TBC1D14: variants seen among roughly 807,000 people sequenced by gnomAD.
The protein encoded by TBC1D14 is TBC1 domain family, member 14.
In TBC1D14, 26 loss-of-function variants were observed where a neutral mutation model predicts 79.0. The observed-to-expected ratio is 0.33, with a 90% CI of 0.24 to 0.46. TBC1D14 has a LOEUF of 0.46. TBC1D14 is among the 20% of genes least tolerant of loss of function. The pLI is 1.00. For synonymous variants in TBC1D14, 394 were observed against 349.9 expected, an observed-to-expected ratio of 1.13 and a Z score of -1.40; for missense variants, 769 against 887.6, an observed-to-expected ratio of 0.87 and a Z score of 1.70.
At position 6,986,750 on chromosome 4, in the gene TBC1D14, C is replaced by G. The variant is rs554254760; in HGVS notation, c.844-7434C>G. On this transcript the variant is annotated intron_variant, in intron 3 of 13. Coordinates refer to ENST00000409757, the MANE Select transcript of TBC1D14 (RefSeq NM_020773.3). ...TCTCATCGACAGCGTACCGCGCCATCTGAAGGGCGCTGTCCCGCCAGCTTC... is the reference window on the plus strand; with the variant it reads ...TCTCATCGACAGCGTACCGCGCCATGTGAAGGGCGCTGTCCCGCCAGCTTC... Among the ~76,000 whole-genome samples the G allele has an allele frequency of 5.9e-5, 9 of 152,352 alleles. No individual in the cohort carries two copies. In the East Asian group the frequency reaches 1.7e-3, roughly 29 times the overall value.
chr4:6,924,992 G>T (rs936476155), intron 2 of TBC1D14, among the ~76,000 whole-genome samples: 5 of 152,130 alleles, frequency 3.3e-5, no homozygotes, highest in Admixed American at 3.3e-4. Context: ...TGGAGAGTAC[G>T]TGTAGAATTG....
intron 2 of TBC1D14, among the ~76,000 whole-genome samples, chr4:6,955,815 C>A (rs926164081): frequency 3.3e-5 from 5 of 152,156 alleles, no homozygotes; most frequent in African/African-American, 1.2e-4. Context: ...GGATTGCGTC[C>A]TGCCTCTCCA....
chr4:7,026,821 TGG>T (rs1343751700), intron 13 of TBC1D14, among the ~76,000 whole-genome samples: 7 of 152,044 alleles, frequency 4.6e-5, no homozygotes, highest in African/African-American at 1.7e-4. Context: ...CATTTGAGCC[TGG>T]GAGGTCAAGG....
intron 8 of TBC1D14, among the ~76,000 whole-genome samples, chr4:7,005,665 C>T (rs1331991747): frequency 6.6e-6 from 1 of 151,812 alleles, no homozygotes; most frequent in Non-Finnish European, 1.5e-5. Flanking sequence ...CACCACTGCA[C>T]TCCAGCCTAG....
At chr4:7,014,381 TTG>T in intron 11 of TBC1D14, 65 bp from the exon 12 acceptor site, 1 of 1,016,146 alleles carries the variant, frequency 9.8e-7, no homozygotes, top group African/African-American at 1.6e-5. Flanking sequence ...TATACATATA[TTG>T]ACTTTTTTGT....
Position 7,031,083 on chromosome 4 carries a change from G to A in TBC1D14, c.*691G>A, listed in dbSNP as rs1560378081. The A allele has an allele frequency of 1.3e-5, 2 of 152,444 alleles. No homozygotes were observed. The highest frequency in any genetic ancestry group is 2.9e-5 in the Non-Finnish European group (2 of 68,166). The allele number at this position is 152,444 out of a possible 1,614,324, so 9.4% of individuals were successfully genotyped here. ...TCTGGGAGACTGCTCCCTGGCATCG[G>A]TCCTGCGGAGGTGGAAAGTTCGAGA... On this transcript the variant is annotated 3_prime_UTR_variant, in exon 14 of 14. Transcript: ENST00000409757.
At chr4:6,943,003 T>C (rs1713055141) in intron 2 of TBC1D14, among the ~76,000 whole-genome samples, 1 of 152,194 alleles carries the variant, frequency 6.6e-6, no homozygotes, top group Non-Finnish European at 1.5e-5. Flanking sequence ...ACTTGAAATA[T>C]ACATAAAGCT....
At chr4:6,950,461 G>C (rs1047076559) in intron 2 of TBC1D14, among the ~76,000 whole-genome samples, 6 of 152,134 alleles carry the variant, frequency 3.9e-5, no homozygotes, top group African/African-American at 1.4e-4. Context: ...ATTGAAGTGG[G>C]ACTGGCAGAA....
chr4:6,926,452 A>G (rs898279072), intron 2 of TBC1D14, among the ~76,000 whole-genome samples: 3 of 152,232 alleles, frequency 2.0e-5, no homozygotes, highest in African/African-American at 2.4e-5. Flanking sequence ...CTTGGAAGTC[A>G]TACTCAGCTT....
At chr4:6,917,649 C>T (rs574498761) in intron 1 of TBC1D14, among the ~76,000 whole-genome samples, 106 of 152,128 alleles carry the variant, frequency 7.0e-4, no homozygotes, top group South Asian at 3.7e-3. Flanking sequence ...CAGGCAGAGA[C>T]GGATCAGGAG....
chr4:7,027,637 A>G (rs1284840289), intron 13 of TBC1D14, among the ~76,000 whole-genome samples: 2 of 135,926 alleles, frequency 1.5e-5, no homozygotes, highest in Non-Finnish European at 3.1e-5. Context: ...CAATCACCCC[A>G]CACACATCAC....
Position 6,923,559 on chromosome 4 carries a change from AC to A in TBC1D14, c.172del (p.Arg58GlyfsTer29), listed in dbSNP as rs745943031. 1 of 1,614,104 alleles carries A rather than the reference AC, an allele frequency of 6.2e-7. No homozygotes were observed. The highest frequency in any genetic ancestry group is 8.5e-7 in the Non-Finnish European group (1 of 1,180,018). ...AAGCTGAAACTCAGGGCTTTAGAAG[AC>A]CGGCACAGCCTCCAGTCCGTGGACT... The part of the protein sequence containing the change: ...GPKLKLRALE[D>X]RHSLQSVDSG... On this transcript the variant is annotated frameshift_variant, in exon 2 of 14. Transcript: ENST00000409757. LOFTEE classifies it high-confidence loss of function.
chr4:7,011,802 C>T (rs376961178), intron 11 of TBC1D14, among the ~76,000 whole-genome samples: 3 of 151,832 alleles, frequency 2.0e-5, no homozygotes, highest in East Asian at 3.9e-4. Flanking sequence ...AAGTGATCCA[C>T]CTGCCTCGGC....
chr4:6,910,617 C>A (rs956260195), intron 1 of TBC1D14: 1 of 152,258 alleles, frequency 6.6e-6, no homozygotes, highest in African/African-American at 2.4e-5. Context: ...TCCGGGGACT[C>A]CTGGTCTCCC....
intron 2 of TBC1D14, among the ~76,000 whole-genome samples, chr4:6,957,394 T>G (rs1714741895): frequency 6.6e-6 from 1 of 152,238 alleles, no homozygotes; most frequent in Admixed American, 6.5e-5. Context: ...TTTGAACAAG[T>G]AAATATTTAG....
intron 3 of TBC1D14, among the ~76,000 whole-genome samples, chr4:6,985,017 C>T (rs1016571076): frequency 5.3e-5 from 8 of 152,192 alleles, no homozygotes; most frequent in African/African-American, 1.2e-4. Flanking sequence ...CTTTTGCCCT[C>T]GCCTGGGCAA....
At chr4:6,996,548 A>G in intron 5 of TBC1D14, 141 bp downstream of exon 5, 2 of 659,974 alleles carry the variant, frequency 3.0e-6, no homozygotes. Flanking sequence ...AAAAAAAAAA[A>G]AGATGCATGC....
At chr4:6,986,379 G>T (rs1302020731) in intron 3 of TBC1D14, among the ~76,000 whole-genome samples, 1 of 152,234 alleles carries the variant, frequency 6.6e-6, no homozygotes, top group Non-Finnish European at 1.5e-5. Flanking sequence ...CTGAATTATA[G>T]AAGAAGCTGC....
chr4:6,994,180 C>G lies in TBC1D14; in HGVS notation c.844-4C>G. 2 of 1,612,484 alleles carry G rather than the reference C, an allele frequency of 1.2e-6. No homozygotes were observed. The highest frequency in any genetic ancestry group is 1.7e-6 in the Non-Finnish European group (2 of 1,178,544). On this transcript the variant is annotated splice_polypyrimidine_tract_variant and splice_region_variant and intron_variant, in intron 3 of 13. Transcript: ENST00000409757. The stretch of plus-strand genomic sequence containing the variant: ...TGGAGTCATCCCTGGTTTCTTTGTC[C>G]TAGGAATATGAAGACAAGGCTGGAA...
Sources: gnomAD v4.1 joint callset for allele counts (sites outside exome capture counted in the v4.1 genomes callset) on GRCh38, gnomAD v4.1.1 for gene constraint, MANE v1.5 for transcripts, NCBI Gene and HGNC (gene_info 2026-07-23, HGNC 2026-07-21) for gene names.